Variants in PTPRT observed in about 807,000 individuals in gnomAD.
PTPRT encodes the protein protein tyrosine phosphatase receptor type T.
A neutral mutation model predicts 176.8 loss-of-function variants in PTPRT; 56 were observed. That is an observed-to-expected ratio of 0.32 (90% CI 0.26 to 0.40). PTPRT has a LOEUF of 0.40. Among genes scored for constraint, PTPRT ranks in the 10% least tolerant of loss-of-function variants. The probability of loss-of-function intolerance (pLI) is 1.00; values close to 1 mark genes in which losing one functional copy is unlikely to be tolerated. For missense variants in PTPRT, 1,540 were observed against 1,908.2 expected (o/e 0.81, Z 3.60); for synonymous variants, 783 against 739.0 (o/e 1.06, Z -0.96).
At chr20:42,373,405 T>C (rs1012073691) in intron 9 of PTPRT, among the ~76,000 whole-genome samples, 1 of 152,206 alleles carries the variant, frequency 6.6e-6, no homozygotes, top group African/African-American at 2.4e-5. Flanking sequence ...GCTTTCTAAA[T>C]ATTTAGATTT....
In PTPRT at chr20:42,164,623, G is replaced by A. The variant is rs116917718; in HGVS notation, c.2492-3081C>T. Among the ~76,000 whole-genome samples the A allele has an allele frequency of 2.9e-3, 417 of 143,148 alleles. 1 individual carries two copies. The highest frequency in any genetic ancestry group is 6.6e-3 in the Admixed American group (98 of 14,764). The allele number at this position is 143,148 out of a possible 152,430, so 93.9% of individuals were successfully genotyped here. ...TTTATCACACTCCATTTCACCAGAC[G>A]CACTATACTTAATTTTCCATCGTTA... On this transcript the variant is annotated intron_variant, in intron 16 of 30. Coordinates refer to ENST00000373187, the MANE Select transcript of PTPRT (RefSeq NM_007050.6).
chr20:42,058,622 C>T, the PTPRT span, among the ~76,000 whole-genome samples: 4 of 152,132 alleles, frequency 2.6e-5, no homozygotes, highest in African/African-American at 7.2e-5. Flanking sequence ...CCAAAGGCAG[C>T]GACAAGAATT....
chr20:43,101,953 G>A (rs1031723669), intron 1 of PTPRT, among the ~76,000 whole-genome samples: 1 of 152,140 alleles, frequency 6.6e-6, no homozygotes, highest in Admixed American at 6.5e-5. Context: ...CTGGAGGCTG[G>A]GAAGTCCAAG....
chr20:42,202,835 G>A (rs1991506268), intron 15 of PTPRT, among the ~76,000 whole-genome samples: 1 of 152,096 alleles, frequency 6.6e-6, no homozygotes, highest in Admixed American at 6.6e-5. Context: ...TATGGAAAGG[G>A]TTGTCTTAGG....
Position 42,350,661 on chromosome 20 carries a change from A to G in PTPRT, c.1832T>C (p.Leu611Pro). The G allele has an allele frequency of 6.2e-7, 1 of 1,613,640 alleles. No homozygotes were observed. Among genetic ancestry groups the G allele is most frequent in the Non-Finnish European group, 8.5e-7 (1 of 1,179,528 alleles). ...AGCTCCCCGGGACTGAGCGGGTTTC[A>G]GCATCACTGTGATGGTCGTGTCTGT... ...NETDTTITVM[L>P]KPAQSRGAPV... The change falls in exon 11 of 31, where the codon CTG (leucine) becomes CCG (proline). Residue 611 changes from leucine to proline, a missense_variant. By Grantham distance (98) the Leu-to-Pro change is moderately conservative. This residue lies in a region of PTPRT where 81 missense variants were observed against 89.9 expected (regional missense o/e 0.90). Coordinates refer to ENST00000373187, the MANE Select transcript of PTPRT (RefSeq NM_007050.6).
chr20:42,856,334 G>A (rs1046351288), intron 2 of PTPRT, among the ~76,000 whole-genome samples: 22 of 152,108 alleles, frequency 1.4e-4, no homozygotes, highest in African/African-American at 5.3e-4. Context: ...TGCCCCCACT[G>A]ATATAGTGGT....
chr20:43,087,673 CT>C (rs966253060), intron 1 of PTPRT, among the ~76,000 whole-genome samples: 16 of 152,084 alleles, frequency 1.1e-4, no homozygotes, highest in Non-Finnish European at 1.9e-4. Flanking sequence ...CCACATTGTT[CT>C]TTTCAGGGGC....
intron 2 of PTPRT, among the ~76,000 whole-genome samples, chr20:42,805,833 G>A (rs935873221): frequency 6.6e-6 from 1 of 151,588 alleles, no homozygotes; most frequent in Non-Finnish European, 1.5e-5. Context: ...GCAATTTATT[G>A]AGTCTCGACC....
chr20:42,687,967 T>C (rs2075726945), intron 6 of PTPRT: 1 of 152,198 alleles, frequency 6.6e-6, no homozygotes, highest in Non-Finnish European at 1.5e-5. Flanking sequence ...ACTATTCTAG[T>C]ATGCATTTAT....
intron 9 of PTPRT, among the ~76,000 whole-genome samples, chr20:42,398,381 G>T (rs1465465339): frequency 6.6e-6 from 1 of 152,096 alleles, no homozygotes; most frequent in Non-Finnish European, 1.5e-5. Context: ...TATGTGCAAG[G>T]ATTTTCATTA....
intron 7 of PTPRT, among the ~76,000 whole-genome samples, chr20:42,673,828 C>T (rs1034732456): frequency 6.6e-6 from 1 of 152,176 alleles, no homozygotes; most frequent in Non-Finnish European, 1.5e-5. Context: ...CGAGGGACCA[C>T]ACTTTGAGAA....
intron 11 of PTPRT, among the ~76,000 whole-genome samples, chr20:42,345,628 G>A (rs1388064916): frequency 7.0e-6 from 1 of 143,500 alleles, no homozygotes; most frequent in East Asian, 2.0e-4. Context: ...GTATATATAT[G>A]TATGATGCCA....
intron 27 of PTPRT, among the ~76,000 whole-genome samples, chr20:42,087,538 C>T (rs1020953001): frequency 6.0e-5 from 9 of 150,380 alleles, no homozygotes; most frequent in African/African-American, 2.2e-4. Context: ...TGAGCCACTG[C>T]ACCTGGCCAT....
intron 7 of PTPRT, among the ~76,000 whole-genome samples, chr20:42,477,927 C>T (rs963995221): frequency 2.0e-5 from 3 of 152,186 alleles, no homozygotes; most frequent in Non-Finnish European, 2.9e-5. Flanking sequence ...TGTCCCTCTT[C>T]TCGGAGCAAG....
At chr20:42,502,815 A>G (rs367957870) in intron 7 of PTPRT, among the ~76,000 whole-genome samples, 2 of 152,112 alleles carry the variant, frequency 1.3e-5, no homozygotes, top group Admixed American at 6.6e-5. Flanking sequence ...TCTAGGCTAC[A>G]TATCTGTGAG....
chr20:42,448,174 T>C, intron 9 of PTPRT, 46 bp downstream of exon 9: 2 of 1,447,410 alleles, frequency 1.4e-6, no homozygotes, highest in Non-Finnish European at 1.9e-6. Context: ...CTGAAGTGAC[T>C]TGAATAAAGC....
intron 24 of PTPRT, among the ~76,000 whole-genome samples, chr20:42,105,161 C>G (rs1986320233): frequency 6.6e-6 from 1 of 152,156 alleles, no homozygotes; most frequent in Non-Finnish European, 1.5e-5. Context: ...GAAATCTCTC[C>G]CTTTAGGTGG....
chr20:42,630,563 C>G (rs1279697134), intron 7 of PTPRT, among the ~76,000 whole-genome samples: 1 of 152,148 alleles, frequency 6.6e-6, no homozygotes. Flanking sequence ...CTAATTCATT[C>G]ACCAATTCTC....
chr20:43,130,448 G>A (rs2013609248), intron 1 of PTPRT, among the ~76,000 whole-genome samples: 1 of 152,052 alleles, frequency 6.6e-6, no homozygotes, highest in Non-Finnish European at 1.5e-5. Flanking sequence ...CCAAACCCAT[G>A]ACCTACACAA....
Sources: gnomAD v4.1 joint callset for allele counts (sites outside exome capture counted in the v4.1 genomes callset) on GRCh38, gnomAD v4.1.1 for gene constraint, gnomAD v4.1.1 regional missense constraint, MANE v1.5 for transcripts, NCBI Gene and HGNC (gene_info 2026-07-23, HGNC 2026-07-21) for gene names.